Variants in PDE8B observed in about 807,000 individuals in gnomAD.
PDE8B encodes the protein phosphodiesterase 8B.
PDE8B carries 26 observed loss-of-function variants against 101.3 expected under a neutral mutation model. That is an observed-to-expected ratio of 0.26 (90% CI 0.19 to 0.36). The LOEUF is 0.36. Among genes scored for constraint, PDE8B ranks in the 10% least tolerant of loss-of-function variants. The pLI, the probability that PDE8B is intolerant of heterozygous loss-of-function variation, is 1.00. For missense variants in PDE8B, 810 were observed against 1,163.1 expected, an observed-to-expected ratio of 0.70 and a Z score of 4.42; for synonymous variants, 424 against 429.3, an observed-to-expected ratio of 0.99 and a Z score of 0.15.
intron 1 of PDE8B, among the ~76,000 whole-genome samples, chr5:77,294,341 C>T (rs1453007908): frequency 6.6e-6 from 1 of 152,204 alleles, no homozygotes; most frequent in African/African-American, 2.4e-5. Context: ...AGAAACTTCT[C>T]TCAACACTTG....
At chr5:77,162,561 GA>G in the PDE8B span, among the ~76,000 whole-genome samples, 1 of 152,062 alleles carries the variant, frequency 6.6e-6, no homozygotes, top group Non-Finnish European at 1.5e-5. Context: ...TGGTACTAGG[GA>G]AAAAATAGAC....
At chr5:77,303,084 T>C (rs1355289249) in intron 1 of PDE8B, among the ~76,000 whole-genome samples, 1 of 152,216 alleles carries the variant, frequency 6.6e-6, no homozygotes, top group Admixed American at 6.5e-5. Flanking sequence ...AGAATATTTA[T>C]GTAGTGGCTA....
At chr5:77,332,433 G>A (rs549337701) in intron 5 of PDE8B, among the ~76,000 whole-genome samples, 2 of 152,206 alleles carry the variant, frequency 1.3e-5, no homozygotes, top group African/African-American at 4.8e-5. Context: ...TAAACATCAT[G>A]AATAACACTG....
At chr5:77,142,733 G>C in the PDE8B span, among the ~76,000 whole-genome samples, 1 of 151,952 alleles carries the variant, frequency 6.6e-6, no homozygotes, top group East Asian at 1.9e-4. Context: ...TATTATAATG[G>C]CTTCCACATT....
the PDE8B span, chr5:77,151,402 G>T: frequency 6.6e-6 from 1 of 152,182 alleles, no homozygotes; most frequent in African/African-American, 2.4e-5. Flanking sequence ...TGAGACTCAG[G>T]GATTTTTATA....
At position 77,426,475 on chromosome 5, in the gene PDE8B, A is replaced by T; in HGVS notation, c.2579A>T (p.His860Leu). 1 of 1,613,592 alleles carries T rather than the reference A, an allele frequency of 6.2e-7. No homozygotes were observed. Among genetic ancestry groups the T allele is most frequent in the Non-Finnish European group, 8.5e-7 (1 of 1,179,534 alleles). ...GCACATCTGCCAGCCCTGATGCAAC[A>T]TTTGGCTGACAACTACAAACACTGG... ...AFAHLPALMQ[H>L]LADNYKHWKT... The change falls in exon 22 of 22, where the codon CAT becomes CTT. Residue 860 changes from histidine (H) to leucine (L), a missense_variant. His to Leu is a moderately conservative substitution (Grantham distance 99). Around this residue, in one of 4 missense-constraint regions of PDE8B, gnomAD observed 325 missense variants for 560.9 expected, o/e 0.58. Transcript: ENST00000264917.
chr5:77,210,876 T>C lies in PDE8B; in HGVS notation c.-50T>C, dbSNP rs1343801894. 1.6e-6 allele frequency: 2 copies of C among 1,223,120 alleles called. No homozygotes were observed. Among genetic ancestry groups the C allele is most frequent in the African/African-American group, 3.3e-5 (2 of 61,236 alleles). 75.8% of individuals were successfully genotyped at this position (1,223,120 alleles called of 1,614,324 possible). A position where few individuals can be genotyped will look rare whatever the true frequency, so the allele number is the denominator to read the frequency against. On this transcript the variant is annotated 5_prime_UTR_variant, in exon 1 of 22. Transcript: ENST00000264917. The surrounding 1 kb of genome is among the most constrained non-coding windows in gnomAD (Gnocchi z 4.9). ...TGCAGGTGGCAGCGGGTGCGCTGGG[T>C]CCCGGCGGCCGCGGGCGCGGGCGGG...
At chr5:77,177,299 T>A in the PDE8B span, among the ~76,000 whole-genome samples, 1 of 152,228 alleles carries the variant, frequency 6.6e-6, no homozygotes, top group Non-Finnish European at 1.5e-5. Flanking sequence ...GGATTCCCAG[T>A]GGCTGCCTGG....
At chr5:77,111,048 T>G in the PDE8B span, among the ~76,000 whole-genome samples, 42 of 152,350 alleles carry the variant, frequency 2.8e-4, no homozygotes, top group South Asian at 8.1e-3. Context: ...AACATTGTAC[T>G]TAATGCTACG....
At chr5:77,156,650 T>G in the PDE8B span, among the ~76,000 whole-genome samples, 1 of 152,048 alleles carries the variant, frequency 6.6e-6, no homozygotes, top group Non-Finnish European at 1.5e-5. Context: ...CCCAGTAGAA[T>G]CAGTGTTATC....
At chr5:77,330,203 G>A (rs1235358694) in intron 4 of PDE8B, among the ~76,000 whole-genome samples, 1 of 152,172 alleles carries the variant, frequency 6.6e-6, no homozygotes, top group Non-Finnish European at 1.5e-5. Flanking sequence ...TGAGGTCATA[G>A]AGTCTTGGAC....
intron 1 of PDE8B, among the ~76,000 whole-genome samples, chr5:77,274,551 G>A (rs1417131180): frequency 6.6e-6 from 1 of 152,172 alleles, no homozygotes; most frequent in Non-Finnish European, 1.5e-5. Flanking sequence ...TACATGTGGG[G>A]GACAAATGGA....
chr5:77,301,186 A>G (rs1006689642), intron 1 of PDE8B, among the ~76,000 whole-genome samples: 1 of 152,194 alleles, frequency 6.6e-6, no homozygotes, highest in Non-Finnish European at 1.5e-5. Flanking sequence ...ACAGGTCCCT[A>G]ATGGGAGATT....
Position 77,400,266 on chromosome 5 carries a change from G to A in PDE8B, c.1186G>A (p.Asp396Asn). 6.2e-7 allele frequency: 1 copy of A among 1,604,184 alleles called. No homozygotes were observed. Among genetic ancestry groups the A allele is most frequent in the Non-Finnish European group, 8.5e-7 (1 of 1,171,040 alleles). Residue 396 changes from aspartate to asparagine, a missense_variant, in exon 11 of 22, where the codon GAT becomes AAT. Physicochemically the swap from Asp to Asn is conservative, Grantham distance 23 (BLOSUM62 1). Around this residue, in one of 4 missense-constraint regions of PDE8B, gnomAD observed 75 missense variants for 76.9 expected, o/e 0.98. Transcript: ENST00000264917. ...NNKQIHKIHRDSGDNSQTEPH... is the reference protein window; with the variant it reads ...NNKQIHKIHRNSGDNSQTEPH... ...ACTTTAGATTCACAAGATTCATCGT[G>A]ATTCAGGAGACAATTCTCAGACAGG...
Position 77,265,690 on chromosome 5 carries a change from C to T in PDE8B, c.340-46304C>T, listed in dbSNP as rs143170589. ...GTACCTTCCCTCTCTGGGCTCTTGA[C>T]CATCTGGGGTTATCCTATGTTTGTC... is the stretch of plus-strand genomic sequence containing the variant. On this transcript the variant is annotated intron_variant, in intron 1 of 21. Coordinates refer to ENST00000264917, the MANE Select transcript of PDE8B (RefSeq NM_003719.5). 2.3e-3 allele frequency among the ~76,000 whole-genome samples: 346 copies of T among 152,260 alleles called. 2 individuals carry two copies. Among genetic ancestry groups the T allele is most frequent in the African/African-American group, 8.0e-3 (332 of 41,546 alleles).
chr5:77,421,740 C>T lies in PDE8B; in HGVS notation c.2251-81C>T, dbSNP rs1273888884. ...GTCCTACCTGTGTGCTCGGTGATCA[C>T]CATCGAATGCCTGGCGAATTAACCC... On this transcript the variant is annotated intron_variant, in intron 19 of 21. Transcript: ENST00000264917. 2.2e-6 allele frequency: 3 copies of T among 1,364,338 alleles called. No homozygotes were observed. In the East Asian group the frequency reaches 7.0e-5, roughly 32 times the overall value. 84.5% of individuals were successfully genotyped at this position (1,364,338 alleles called of 1,614,324 possible).
intron 2 of PDE8B, 36 bp downstream of exon 2, chr5:77,312,089 A>G: frequency 8.1e-7 from 1 of 1,234,322 alleles, no homozygotes; most frequent in Non-Finnish European, 1.2e-6. Context: ...GACTCAGATT[A>G]TTTTCTTTTT....
chr5:77,402,629 C>T (rs141931750), intron 11 of PDE8B, among the ~76,000 whole-genome samples: 58 of 152,252 alleles, frequency 3.8e-4, no homozygotes, highest in African/African-American at 6.3e-4. Flanking sequence ...TGCAAATGAA[C>T]GGATGTAATT....
intron 1 of PDE8B, among the ~76,000 whole-genome samples, chr5:77,252,740 G>A (rs1758323594): frequency 6.6e-6 from 1 of 152,170 alleles, no homozygotes; most frequent in African/African-American, 2.4e-5. Context: ...CATTCCTCCT[G>A]GCAGAGGTAG....
Sources: allele counts gnomAD v4.1 joint callset (sites outside exome capture counted in the v4.1 genomes callset), GRCh38; gene constraint gnomAD v4.1.1; regional missense constraint gnomAD v4.1.1; non-coding constraint Gnocchi (gnomAD v3.1); transcripts MANE v1.5; gene names NCBI Gene and HGNC (gene_info 2026-07-23, HGNC 2026-07-21).